Variants in MAPKAP1 observed in about 807,000 individuals in gnomAD.
MAPKAP1 encodes the protein MAPK associated protein 1, also known as target of rapamycin complex 2 subunit MAPKAP1.
Under a neutral mutation model 65.7 loss-of-function variants are expected in MAPKAP1, and 20 were observed. That is an observed-to-expected ratio of 0.30 (90% CI 0.21 to 0.44). MAPKAP1 has a LOEUF of 0.44. Ranked by LOEUF, MAPKAP1 falls within the 20% of genes least tolerant of loss-of-function variation. MAPKAP1 has a pLI of 1.00. For synonymous variants in MAPKAP1, 222 were observed against 244.3 expected (o/e 0.91, Z 0.85); for missense variants, 423 against 648.0 (o/e 0.65, Z 3.77).
intron 5 of MAPKAP1, among the ~76,000 whole-genome samples, chr9:125,570,285 T>C (rs1831188949): frequency 6.6e-6 from 1 of 152,224 alleles, no homozygotes; most frequent in African/African-American, 2.4e-5. Flanking sequence ...GGGTAAGTCA[T>C]GAAAAAATTT....
Position 125,438,813 on chromosome 9 carries a change from G to C in MAPKAP1, c.*74C>G, listed in dbSNP as rs564098391. On this transcript the variant is annotated 3_prime_UTR_variant, in exon 12 of 12. Transcript: ENST00000265960. ...CTCCCCCCGAGGACTTCAGGACACC[G>C]GGTGGACTCTAGGGCACTTGGCCCT... The C allele has an allele frequency of 6.3e-7, 1 of 1,592,446 alleles. No homozygotes were observed. The highest frequency in any genetic ancestry group is 1.7e-5 in the Admixed American group (1 of 59,104).
At chr9:125,563,454 A>C (rs1830952338) in intron 5 of MAPKAP1, among the ~76,000 whole-genome samples, 1 of 152,182 alleles carries the variant, frequency 6.6e-6, no homozygotes, top group African/African-American at 2.4e-5. Flanking sequence ...AATAGCTTGG[A>C]TCTCCGAAAT....
chr9:125,609,320 T>G (rs1436434156), intron 4 of MAPKAP1, among the ~76,000 whole-genome samples: 1 of 152,134 alleles, frequency 6.6e-6, no homozygotes, highest in Non-Finnish European at 1.5e-5. Context: ...GGGAACTTCC[T>G]TTGACCCAAA....
intron 1 of MAPKAP1, among the ~76,000 whole-genome samples, chr9:125,686,880 G>A (rs1834997891): frequency 6.6e-6 from 1 of 151,516 alleles, no homozygotes; most frequent in East Asian, 1.9e-4. Context: ...AGGCTGAGGT[G>A]CAGGAGCATG....
At chr9:125,478,668 T>G (rs957382243) in intron 9 of MAPKAP1, among the ~76,000 whole-genome samples, 1 of 152,170 alleles carries the variant, frequency 6.6e-6, no homozygotes, top group African/African-American at 2.4e-5. Context: ...GATTGGCACC[T>G]GTGGTATGAC....
chr9:125,688,959 C>T (rs192161075), intron 1 of MAPKAP1, among the ~76,000 whole-genome samples: 3 of 152,298 alleles, frequency 2.0e-5, no homozygotes, highest in South Asian at 2.1e-4. Flanking sequence ...TCTTAATCTT[C>T]TTACTCCACT....
chr9:125,539,269 TC>T (rs1830170222), intron 7 of MAPKAP1, among the ~76,000 whole-genome samples: 1 of 152,234 alleles, frequency 6.6e-6, no homozygotes, highest in African/African-American at 2.4e-5. Context: ...TAAAAATTTG[TC>T]TTTCATATCA....
At chr9:125,442,127 T>TAAA (rs1554801124) in intron 11 of MAPKAP1, among the ~76,000 whole-genome samples, 1 of 26,196 alleles carries the variant, frequency 3.8e-5, no homozygotes, top group African/African-American at 3.0e-4. Context: ...AGACTCTGTC[T>TAAA]CAAAAAAAAA....
At chr9:125,495,094 A>G (rs1012589688) in intron 8 of MAPKAP1, among the ~76,000 whole-genome samples, 1 of 152,158 alleles carries the variant, frequency 6.6e-6, no homozygotes, top group African/African-American at 2.4e-5. Context: ...TCTTTCTCCA[A>G]TATGTCTTTG....
At chr9:125,526,817 C>T (rs1829783457) in intron 7 of MAPKAP1, among the ~76,000 whole-genome samples, 1 of 151,098 alleles carries the variant, frequency 6.6e-6, no homozygotes, top group Non-Finnish European at 1.5e-5. Context: ...GCTCTGTCAC[C>T]CAAGCTGGAG....
intron 4 of MAPKAP1, among the ~76,000 whole-genome samples, chr9:125,612,094 G>C (rs987131211): frequency 3.3e-5 from 5 of 152,122 alleles, no homozygotes; most frequent in Non-Finnish European, 7.4e-5. Context: ...TGCTCCAAAG[G>C]AAATGCTTGT....
chr9:125,693,508 CATACACACACAT>C (rs1835241483), intron 1 of MAPKAP1, among the ~76,000 whole-genome samples: 1 of 141,342 alleles, frequency 7.1e-6, no homozygotes. Flanking sequence ...CATATATACA[CATACACACACAT>C]ATATACACAT....
intron 4 of MAPKAP1, among the ~76,000 whole-genome samples, chr9:125,621,779 T>C (rs1189146153): frequency 1.3e-5 from 2 of 152,254 alleles, no homozygotes; most frequent in Non-Finnish European, 2.9e-5. Context: ...ACATGGGTTC[T>C]TAAGGCTACT....
At chr9:125,530,963 T>C (rs521079) in intron 7 of MAPKAP1, among the ~76,000 whole-genome samples, 141,116 of 152,310 alleles carry the variant, frequency 0.93, 66,210 homozygotes, top group East Asian at 1. Context: ...GTTAAGACAA[T>C]AACCCTGCAA....
chr9:125,538,060 T>A (rs1214504966), intron 7 of MAPKAP1, among the ~76,000 whole-genome samples: 1 of 152,214 alleles, frequency 6.6e-6, no homozygotes, highest in Non-Finnish European at 1.5e-5. Context: ...TTTCTTTGTG[T>A]TCATACTCTC....
chr9:125,669,788 A>C (rs1412837601), intron 3 of MAPKAP1, 30 bp downstream of exon 3: 1 of 1,190,320 alleles, frequency 8.4e-7, no homozygotes, highest in South Asian at 1.4e-5. Flanking sequence ...TATAAATCTC[A>C]AATTAAGAAT....
At chr9:125,696,660 A>C (rs1186986568) in intron 1 of MAPKAP1, among the ~76,000 whole-genome samples, 1 of 152,090 alleles carries the variant, frequency 6.6e-6, no homozygotes, top group Non-Finnish European at 1.5e-5. Context: ...CAGCCAACAA[A>C]CTTATGTAAC....
At chr9:125,594,647 G>C (rs1012424929) in intron 4 of MAPKAP1, among the ~76,000 whole-genome samples, 1 of 152,048 alleles carries the variant, frequency 6.6e-6, no homozygotes, top group Admixed American at 6.6e-5. Context: ...CTAACAATTT[G>C]ATTTGCACAG....
At chr9:125,494,759 T>C (rs1171028197) in intron 8 of MAPKAP1, among the ~76,000 whole-genome samples, 1 of 152,178 alleles carries the variant, frequency 6.6e-6, no homozygotes. Flanking sequence ...ATTCTTCTCT[T>C]ACTCATTATT....
Sources: allele counts gnomAD v4.1 joint callset (sites outside exome capture counted in the v4.1 genomes callset), GRCh38; gene constraint gnomAD v4.1.1; transcripts MANE v1.5; gene names NCBI Gene and HGNC (gene_info 2026-07-23, HGNC 2026-07-21).